Variants in PHIP observed in about 807,000 individuals in gnomAD.
The protein encoded by PHIP is PH-interacting protein.
In PHIP, 54 loss-of-function variants were observed where a neutral mutation model predicts 236.8. The observed-to-expected ratio is 0.23, with a 90% CI of 0.18 to 0.29. PHIP has a LOEUF of 0.29. Among genes scored for constraint, PHIP ranks in the 10% least tolerant of loss-of-function variants. PHIP has a pLI of 1.00. For synonymous variants in PHIP, 756 were observed against 718.9 expected (o/e 1.05, Z -0.83); for missense variants, 1,370 against 2,190.8 (o/e 0.63, Z 7.48).
At position 79,019,136 on chromosome 6, in the gene PHIP, T is replaced by A; in HGVS notation, c.947A>T (p.Glu316Val). 1 of 1,612,712 alleles carries A rather than the reference T, an allele frequency of 6.2e-7. No homozygotes were observed. Among genetic ancestry groups the A allele is most frequent in the South Asian group, 1.1e-5 (1 of 91,016 alleles). The part of the protein sequence containing the change: ...KINPRPAKFT[E>V]RPRPGVQMIC... ...CATTTGAACTCCAGGCCGAGGGCGCTCTGTAAATTTTGCAGGTCTTGGGCT... is the reference window on the plus strand; with the variant it reads ...CATTTGAACTCCAGGCCGAGGGCGCACTGTAAATTTTGCAGGTCTTGGGCT... The change falls in exon 10 of 40, where the codon GAG becomes GTG. Residue 316 changes from glutamate (E) to valine (V), a missense_variant. By Grantham distance (121) the Glu-to-Val change is moderately radical. Around this residue, in one of 14 missense-constraint regions of PHIP, gnomAD observed 188 missense variants for 354.3 expected, o/e 0.53. Coordinates refer to ENST00000275034, the MANE Select transcript of PHIP (RefSeq NM_017934.7).
At chr6:79,027,831 C>T (rs564705430) in intron 7 of PHIP, among the ~76,000 whole-genome samples, 53 of 152,182 alleles carry the variant, frequency 3.5e-4, no homozygotes, top group African/African-American at 1.3e-3. Context: ...GCTTAGAGGA[C>T]AGCCTTCAGG....
chr6:78,971,533 GC>G (rs1340204387), intron 24 of PHIP, among the ~76,000 whole-genome samples: 2 of 152,116 alleles, frequency 1.3e-5, no homozygotes, highest in Admixed American at 1.3e-4. Flanking sequence ...GGCCAAGATG[GC>G]CGAATAGGAA....
At chr6:78,996,571 A>C (rs527483773) in intron 19 of PHIP, among the ~76,000 whole-genome samples, 2 of 152,340 alleles carry the variant, frequency 1.3e-5, no homozygotes, top group African/African-American at 4.8e-5. Flanking sequence ...GAGTTAATTA[A>C]TTTATGACGG....
At chr6:78,962,721 T>C (rs3805746) in intron 30 of PHIP, among the ~76,000 whole-genome samples, 51,404 of 151,898 alleles carry the variant, frequency 0.34, 8,855 homozygotes, top group Non-Finnish European at 0.35. Context: ...GTATATTAAG[T>C]TGGGGGAGAC....
intron 9 of PHIP, among the ~76,000 whole-genome samples, chr6:79,024,573 G>A (rs1195693898): frequency 1.3e-5 from 2 of 152,174 alleles, no homozygotes; most frequent in East Asian, 3.9e-4. Flanking sequence ...GGGAGGCCGA[G>A]GTGGGCGGAT....
At position 78,965,015 on chromosome 6, in the gene PHIP, A is replaced by G. The variant is rs559233196; in HGVS notation, c.3379+688T>C. Among the ~76,000 whole-genome samples, 478 of 152,288 alleles carry G rather than the reference A, an allele frequency of 3.1e-3. 3 individuals carry two copies. Among genetic ancestry groups the G allele is most frequent in the African/African-American group, 0.011 (441 of 41,560 alleles). ...ATATAATCTCCAGGCTTTGGTCCCA[A>G]CGTCCTTTTCTCAGTGCAAGGAAGA... is the stretch of plus-strand genomic sequence containing the variant. On this transcript the variant is annotated intron_variant, in intron 29 of 39. Coordinates refer to ENST00000275034, the MANE Select transcript of PHIP (RefSeq NM_017934.7).
rs1446361404 is a variant in PHIP, at chr6:79,001,921, A to G, written c.1857T>C (p.Pro619=). ...TACCTGAGGAAGTTACTCCCATCTG[A>G]GGGATGAGTTGCTCCTCCCTGCAAT... ...RENCREEQLI[P]QMGVTSSGLN... Residue 619 remains proline (P), a synonymous_variant, in exon 17 of 40, where the codon CCT becomes CCC. Coordinates refer to ENST00000275034, the MANE Select transcript of PHIP (RefSeq NM_017934.7). 1 of 1,611,162 alleles carries G rather than the reference A, an allele frequency of 6.2e-7. No homozygotes were observed. Among genetic ancestry groups the G allele is most frequent in the African/African-American group, 1.3e-5 (1 of 74,832 alleles).
intron 15 of PHIP, among the ~76,000 whole-genome samples, chr6:79,009,970 G>A (rs181151034): frequency 6.6e-6 from 1 of 151,896 alleles, no homozygotes; most frequent in East Asian, 1.9e-4. Context: ...ACCCAAAGAA[G>A]CTGAAACATA....
At position 79,015,178 on chromosome 6, in the gene PHIP, C is replaced by T. The variant is rs1341117287; in HGVS notation, c.1428G>A (p.Pro476=). 8 of 1,610,406 alleles carry T rather than the reference C, an allele frequency of 5.0e-6. No individual in the cohort carries two copies. The highest frequency in any genetic ancestry group is 1.6e-4 in the Middle Eastern group (1 of 6,072). The stretch of plus-strand genomic sequence containing the variant: ...CAGAAAAGAGAACTCTAGGATCGAA[C>T]GGGTGTGGTTCAAGAACAAATACCT... ...EDEVFVLEPH[P]FDPRVLFSAG... Residue 476 remains proline, a synonymous_variant, in exon 15 of 40, where the codon CCG becomes CCA. Transcript: ENST00000275034.
chr6:79,011,609 C>A (rs1042030259), intron 15 of PHIP, among the ~76,000 whole-genome samples: 3 of 151,532 alleles, frequency 2.0e-5, no homozygotes, highest in African/African-American at 7.3e-5. Flanking sequence ...AAAAACAAAC[C>A]CAGCACCCAC....
chr6:78,954,522 C>CA (rs745637255), intron 35 of PHIP, among the ~76,000 whole-genome samples: 5 of 149,406 alleles, frequency 3.3e-5, no homozygotes, highest in African/African-American at 7.4e-5. Flanking sequence ...GTAGGGAAGA[C>CA]AAAAAAAGAA....
rs528285274 is a variant in PHIP, at chr6:79,015,705, T to A, written c.1314A>T (p.Thr438=). Residue 438 remains threonine (T), a synonymous_variant, in exon 14 of 40, where the codon ACA becomes ACT. Coordinates refer to ENST00000275034, the MANE Select transcript of PHIP (RefSeq NM_017934.7). ...TMVAWDRHDN[T]VITAVNNMTL... ...TCATGTTATTAACTGCAGTTATAAC[T>A]GTATTGTCATGTCGATCCCAAGCTA... The A allele has an allele frequency of 1.2e-6, 2 of 1,603,020 alleles. No individual in the cohort carries two copies.
chr6:78,957,823 A>G (rs1766530830), intron 32 of PHIP: 1 of 152,030 alleles, frequency 6.6e-6, no homozygotes, highest in South Asian at 2.1e-4. Flanking sequence ...TAAGGAAGGG[A>G]AAGTACTTCT....
intron 6 of PHIP, among the ~76,000 whole-genome samples, chr6:79,054,894 T>C (rs1345153373): frequency 6.6e-6 from 1 of 151,924 alleles, no homozygotes; most frequent in African/African-American, 2.4e-5. Flanking sequence ...TTATTCAAAC[T>C]AGTCTTCTCA....
chr6:79,070,242 T>C (rs958417802), intron 4 of PHIP, among the ~76,000 whole-genome samples: 4 of 152,230 alleles, frequency 2.6e-5, no homozygotes, highest in South Asian at 2.1e-4. Context: ...TAAAGCATTA[T>C]TAGTAAAACG....
intron 6 of PHIP, among the ~76,000 whole-genome samples, chr6:79,043,444 C>G (rs1040421729): frequency 2.0e-5 from 3 of 152,114 alleles, no homozygotes; most frequent in African/African-American, 7.2e-5. Flanking sequence ...CACTCGAAAT[C>G]TGACATGCAG....
In PHIP at chr6:78,940,754, G is replaced by C; in HGVS notation, c.5405C>G (p.Ser1802Cys). ...CAACTTTCGGACTCGTCCTCTACTA[G>C]AAGTTCCAAAAGTTAAAGAGGTGTC... ...FEDTSLTFGT[S>C]SRGRVRKLTE... is the part of the protein sequence containing the mutation. The change falls in exon 40 of 40, where the codon TCT becomes TGT. Residue 1802 changes from serine (S) to cysteine (C), a missense_variant. Ser to Cys is a moderately radical substitution (Grantham distance 112, BLOSUM62 -1). Coordinates refer to ENST00000275034, the MANE Select transcript of PHIP (RefSeq NM_017934.7). 1 of 1,613,456 alleles carries C rather than the reference G, an allele frequency of 6.2e-7. No homozygotes were observed. The highest frequency in any genetic ancestry group is 8.5e-7 in the Non-Finnish European group (1 of 1,179,630).
At position 79,074,300 on chromosome 6, in the gene PHIP, AAG is replaced by A. The variant is rs549878156; in HGVS notation, c.189+3146_189+3147del. On this transcript the variant is annotated intron_variant, in intron 4 of 39. Coordinates refer to ENST00000275034, the MANE Select transcript of PHIP (RefSeq NM_017934.7). ...AAGTCTTACAAGAAAAAATGTAATC[AAG>A]AGAGTGCCAAATTCGGTAAAATGCT... Among the ~76,000 whole-genome samples the A allele has an allele frequency of 3.1e-3, 474 of 152,238 alleles. 3 individuals are homozygous for A. The highest frequency in any genetic ancestry group is 0.011 in the African/African-American group (440 of 41,558).
chr6:78,955,653 A>T lies in PHIP; in HGVS notation c.3812T>A (p.Leu1271His). ...AACTTTCTTCTTCATTGAATTATAAAGTGGAATTATGTTATAACAAGTCTG... is the reference window on the plus strand; with the variant it reads ...AACTTTCTTCTTCATTGAATTATAATGTGGAATTATGTTATAACAAGTCTG... ...KDQTCYNIIPLYNSMKKKVLS... is the reference protein window; with the variant it reads ...KDQTCYNIIPHYNSMKKKVLS... Residue 1271 changes from leucine to histidine, a missense_variant, in exon 33 of 40, where the codon CTT (leucine) becomes CAT (histidine). Around this residue, in one of 14 missense-constraint regions of PHIP, gnomAD observed 38 missense variants for 27.6 expected, o/e 1.38. Coordinates refer to ENST00000275034, the MANE Select transcript of PHIP (RefSeq NM_017934.7). The T allele has an allele frequency of 1.8e-6, 2 of 1,096,268 alleles. No individual in the cohort carries two copies. The highest frequency in any genetic ancestry group is 2.8e-5 in the South Asian group (2 of 70,886). The allele number at this position is 1,096,268 out of a possible 1,614,324, so 67.9% of individuals were successfully genotyped here.
Sources: gnomAD v4.1 joint callset for allele counts (sites outside exome capture counted in the v4.1 genomes callset) on GRCh38, gnomAD v4.1.1 for gene constraint, gnomAD v4.1.1 regional missense constraint, MANE v1.5 for transcripts, NCBI Gene and HGNC (gene_info 2026-07-23, HGNC 2026-07-21) for gene names.